IQANK1: variants seen among roughly 807,000 people sequenced by gnomAD.
The protein encoded by IQANK1 is IQ motif and ankyrin repeat containing 1.
IQANK1 carries 30 observed loss-of-function variants against 22.6 expected under a neutral mutation model. That is an observed-to-expected ratio of 1.33 (90% confidence interval 0.99 to 1.80). IQANK1 has a LOEUF of 1.80. Ranked by LOEUF, IQANK1 falls within the 40% of genes most tolerant of loss-of-function variation. The pLI is 0.00. For synonymous variants in IQANK1, 122 were observed against 99.6 expected (o/e 1.23, Z -1.34); for missense variants, 275 against 235.2 (o/e 1.17, Z -1.11).
chr8:143,767,242 G>A (rs532121292), intron 3 of IQANK1, among the ~76,000 whole-genome samples: 5 of 152,334 alleles, frequency 3.3e-5, no homozygotes, highest in Admixed American at 6.5e-5. Context: ...CTCAATGTGC[G>A]GAGAGTATCA....
intron 3 of IQANK1, among the ~76,000 whole-genome samples, chr8:143,762,565 C>T (rs1554628950): frequency 6.6e-6 from 1 of 152,158 alleles, no homozygotes; most frequent in Non-Finnish European, 1.5e-5. Context: ...GGTGCTGAGA[C>T]CACCAAGCTC....
chr8:143,753,336 A>T (rs993001277), intron 3 of IQANK1, among the ~76,000 whole-genome samples: 3 of 151,358 alleles, frequency 2.0e-5, no homozygotes, highest in African/African-American at 7.3e-5. Flanking sequence ...TTTCCATTTC[A>T]TTCATACATT....
intron 2 of IQANK1, among the ~76,000 whole-genome samples, chr8:143,738,125 G>C (rs1818792927): frequency 6.6e-6 from 1 of 152,142 alleles, no homozygotes; most frequent in Non-Finnish European, 1.5e-5. Flanking sequence ...AGGGCCCCCT[G>C]GGGTGGGGGG....
chr8:143,771,662 A>G lies in IQANK1; in HGVS notation c.306+44A>G. The G allele has an allele frequency of 2.5e-6, 1 of 399,000 alleles. No homozygotes were observed. The allele number at this position is 399,000 out of a possible 1,614,324, so 24.7% of individuals were successfully genotyped here. ...AACAGCCGGGGGCCAGGCAGGAGGCAGGGGGAGGAAATGGCGAAGCAGGGT... is the reference window on the plus strand; with the variant it reads ...AACAGCCGGGGGCCAGGCAGGAGGCGGGGGGAGGAAATGGCGAAGCAGGGT... On this transcript the variant is annotated intron_variant, in intron 4 of 13. Coordinates refer to ENST00000527139, the MANE Select transcript of IQANK1 (RefSeq NM_001381874.1). This position sits in a 1 kb window ranked among gnomAD's most constrained non-coding sequence, Gnocchi z 6.0.
chr8:143,771,301 T>TCTCGCGCAGCCTC lies in IQANK1; in HGVS notation c.176-182_176-170dup, dbSNP rs1819565555. ...CCTGGGTCCTCTCCGCGTCCCGGGC[T>TCTCGCGCAGCCTC]CTCGCGCAGCCTCCTCGTGCGGCCT... is the stretch of plus-strand genomic sequence containing the variant. On this transcript the variant is annotated intron_variant, in intron 3 of 13. Coordinates refer to ENST00000527139, the MANE Select transcript of IQANK1 (RefSeq NM_001381874.1). The surrounding 1 kb of genome is among the most constrained non-coding windows in gnomAD (Gnocchi z 6.0). Among the ~76,000 whole-genome samples the TCTCGCGCAGCCTC allele has an allele frequency of 6.7e-6, 1 of 149,416 alleles. No individual in the cohort carries two copies. Among genetic ancestry groups the TCTCGCGCAGCCTC allele is most frequent in the African/African-American group, 2.5e-5 (1 of 40,442 alleles).
chr8:143,768,509 C>T (rs576367629), intron 3 of IQANK1, among the ~76,000 whole-genome samples: 11 of 152,256 alleles, frequency 7.2e-5, no homozygotes, highest in African/African-American at 2.2e-4. Flanking sequence ...CGTGCGCCGG[C>T]GGACATACGT....
chr8:143,738,413 G>A (rs1253212070), intron 2 of IQANK1, among the ~76,000 whole-genome samples: 2 of 152,160 alleles, frequency 1.3e-5, no homozygotes, highest in African/African-American at 2.4e-5. Context: ...CCGCAGCACC[G>A]CAGCTCGGGA....
chr8:143,752,932 AG>A (rs1190423372), intron 3 of IQANK1, among the ~76,000 whole-genome samples: 1 of 145,698 alleles, frequency 6.9e-6, no homozygotes, highest in African/African-American at 2.5e-5. Flanking sequence ...TCTCTTTCTG[AG>A]GTACCTAAAA....
rs549059673 is a variant in IQANK1 at position 143,777,910 on chromosome 8, T to C, written c.789+5428T>C. Among the ~76,000 whole-genome samples, 16 of 152,160 alleles carry C rather than the reference T, an allele frequency of 1.1e-4. No individual in the cohort carries two copies. In the South Asian group the frequency reaches 2.9e-3, roughly 28 times the overall value. On this transcript the variant is annotated intron_variant, in intron 7 of 13. Coordinates refer to ENST00000527139, the MANE Select transcript of IQANK1 (RefSeq NM_001381874.1). ...TAAACACCCCAATTAAAAGATGGAT[T>C]GTTGCCGGGCGCGGTGGCTCACGCC... is the stretch of plus-strand genomic sequence containing the variant.
intron 7 of IQANK1, among the ~76,000 whole-genome samples, chr8:143,777,229 T>G (rs919233713): frequency 6.6e-6 from 1 of 151,934 alleles, no homozygotes. Context: ...TATGAGATAA[T>G]AATTGGCTGG....
At chr8:143,749,440 A>T (rs1554627760) in intron 3 of IQANK1, among the ~76,000 whole-genome samples, 2 of 135,344 alleles carry the variant, frequency 1.5e-5, no homozygotes, top group African/African-American at 5.6e-5. Context: ...CTCATATATA[A>T]TTATATATTA....
chr8:143,757,955 G>T (rs1554628593), intron 3 of IQANK1, among the ~76,000 whole-genome samples: 1 of 152,066 alleles, frequency 6.6e-6, no homozygotes, highest in Non-Finnish European at 1.5e-5. Flanking sequence ...GCTACTCTGT[G>T]TTCATTTAGT....
chr8:143,772,385 G>C lies in IQANK1; in HGVS notation c.692G>C (p.Arg231Pro). The change falls in exon 7 of 14, where the codon CGT becomes CCT. Residue 231 changes from arginine to proline, a missense_variant. By Grantham distance (103) the Arg-to-Pro change is moderately radical. Coordinates refer to ENST00000527139, the MANE Select transcript of IQANK1 (RefSeq NM_001381874.1). ...KGAFGPTPLY[R>P]AAFGGHLAAV... is the part of the protein sequence containing the mutation. ...GCTTTCGGTCCGACGCCGCTGTACC[G>C]TGCAGCCTTTGGGGGCCACCTGGCA... is the stretch of plus-strand genomic sequence containing the variant. The C allele has an allele frequency of 2.5e-6, 1 of 399,426 alleles. No individual in the cohort carries two copies. The highest frequency in any genetic ancestry group is 4.4e-6 in the Non-Finnish European group (1 of 226,408). The allele number at this position is 399,426 out of a possible 1,614,324, so 24.7% of individuals were successfully genotyped here.
Position 143,758,697 on chromosome 8 carries a change from T to C in IQANK1, c.176-12791T>C, listed in dbSNP as rs6997644. 0.21 allele frequency: 31,344 copies of C among 152,268 alleles called. 9,133 individuals carry two copies. The highest frequency in any genetic ancestry group is 0.65 in the African/African-American group (27,074 of 41,466). The allele number at this position is 152,268 out of a possible 1,614,324, so 9.4% of individuals were successfully genotyped here. ...AAAACTGGCAGTGACACCTGGCCCC[T>C]GACAAGCCTGAGTCACAGGTCCCTG... is the stretch of plus-strand genomic sequence containing the variant. On this transcript the variant is annotated intron_variant, in intron 3 of 13. Coordinates refer to ENST00000527139, the MANE Select transcript of IQANK1 (RefSeq NM_001381874.1). This position sits in a 1 kb window ranked among gnomAD's most constrained non-coding sequence, Gnocchi z 4.2.
intron 2 of IQANK1, among the ~76,000 whole-genome samples, chr8:143,738,835 G>C (rs1406928458): frequency 6.6e-6 from 1 of 152,222 alleles, no homozygotes; most frequent in Non-Finnish European, 1.5e-5. Flanking sequence ...GACAACCTGA[G>C]CCCAGCTGGC....
chr8:143,743,960 A>G lies in IQANK1; in HGVS notation c.175+4012A>G, dbSNP rs1264430581. The G allele has an allele frequency of 2.5e-5, 9 of 365,212 alleles. No individual in the cohort carries two copies. The Admixed American group carries it at 2.9e-4, about 12-fold the overall frequency. 22.6% of individuals were successfully genotyped at this position (365,212 alleles called of 1,614,324 possible). ...GCAATTCTCCTGCCTCAGCCTCCTGAGTAGCTGGGACTACAGGCACCCACC... is the reference window on the plus strand; with the variant it reads ...GCAATTCTCCTGCCTCAGCCTCCTGGGTAGCTGGGACTACAGGCACCCACC... On this transcript the variant is annotated intron_variant, in intron 3 of 13. Coordinates refer to ENST00000527139, the MANE Select transcript of IQANK1 (RefSeq NM_001381874.1).
intron 7 of IQANK1, 55 bp from the exon 8 acceptor site, chr8:143,788,860 G>A: frequency 2.5e-6 from 1 of 398,956 alleles, no homozygotes; most frequent in Non-Finnish European, 4.4e-6. Context: ...TCCTCTCCAG[G>A]CTGAGGAGAC....
At chr8:143,756,312 G>C (rs1393953644) in intron 3 of IQANK1, among the ~76,000 whole-genome samples, 2 of 152,144 alleles carry the variant, frequency 1.3e-5, no homozygotes, top group Non-Finnish European at 2.9e-5. Context: ...CCTGACTTAA[G>C]GCTGGAGCTC....
chr8:143,771,407 CG>C lies in IQANK1; in HGVS notation c.176-77del. 1 of 356,262 alleles carries C rather than the reference CG, an allele frequency of 2.8e-6. No homozygotes were observed. Among genetic ancestry groups the C allele is most frequent in the East Asian group, 3.8e-5 (1 of 26,386 alleles). 22.1% of individuals were successfully genotyped at this position (356,262 alleles called of 1,614,324 possible). On this transcript the variant is annotated intron_variant, in intron 3 of 13. Transcript: ENST00000527139. This position sits in a 1 kb window ranked among gnomAD's most constrained non-coding sequence, Gnocchi z 6.0. ...CCTTCTGTCGGGGCGGGGGCGGGGG[CG>C]GGGCCGGCTCCACTCCCAGGGGCGC...
Sources: gnomAD v4.1 joint callset for allele counts (sites outside exome capture counted in the v4.1 genomes callset) on GRCh38, gnomAD v4.1.1 for gene constraint, Gnocchi (gnomAD v3.1) non-coding constraint, MANE v1.5 for transcripts, NCBI Gene and HGNC (gene_info 2026-07-23, HGNC 2026-07-21) for gene names.